The following NTRK3 variants were observed in gnomAD, a reference collection of about 807,000 sequenced individuals.
The protein encoded by NTRK3 is NT-3 growth factor receptor.
In NTRK3, 24 loss-of-function variants were observed where a neutral mutation model predicts 91.7. The ratio of observed to expected loss-of-function variants is 0.26; its 90% CI spans 0.19 to 0.37. The LOEUF (loss-of-function observed/expected upper bound fraction) is 0.37. NTRK3 is among the 10% of genes least tolerant of loss of function. The probability of loss-of-function intolerance (pLI) is 1.00; values close to 1 mark genes in which losing one functional copy is unlikely to be tolerated. For missense variants in NTRK3, 880 were observed against 1,068.9 expected (o/e 0.82, Z 2.46); for synonymous variants, 483 against 404.0 (o/e 1.20, Z -2.34).
intron 3 of NTRK3, among the ~76,000 whole-genome samples, chr15:88,236,690 G>A (rs1295249241): frequency 4.1e-5 from 6 of 147,162 alleles, no homozygotes; most frequent in East Asian, 2.0e-4. Context: ...TACATATTGG[G>A]TACAAATCTC....
At chr15:88,188,841 C>T (rs1271704211) in intron 3 of NTRK3, among the ~76,000 whole-genome samples, 1 of 152,236 alleles carries the variant, frequency 6.6e-6, no homozygotes, top group Non-Finnish European at 1.5e-5. Flanking sequence ...GGCTGGAACC[C>T]ACTGGCCAAG....
rs1265075771 is a variant in NTRK3 at position 87,886,699 on chromosome 15, T to TATATATATATATATATATAC, written c.2134-6272_2134-6271insGTATATATATATATATATAT. Reference sequence around the variant, plus strand: ...TGCTATATATATATATATATATATATACATATATACACACACACACATACA... The same window carrying TATATATATATATATATATAC: ...TGCTATATATATATATATATATATATATATATATATATATATATACACATATATACACACACACACATACA... On this transcript the variant is annotated intron_variant, in intron 17 of 18. Transcript: ENST00000394480. 8.9e-4 allele frequency among the ~76,000 whole-genome samples: 123 copies of TATATATATATATATATATAC among 138,446 alleles called. 1 individual carries two copies. Among genetic ancestry groups the TATATATATATATATATATAC allele is most frequent in the East Asian group, 6.7e-3 (32 of 4,782 alleles). 90.8% of individuals were successfully genotyped at this position (138,446 alleles called of 152,430 possible).
intron 13 of NTRK3, among the ~76,000 whole-genome samples, chr15:88,073,141 G>A (rs2047233614): frequency 6.6e-6 from 1 of 152,160 alleles, no homozygotes; most frequent in Non-Finnish European, 1.5e-5. Context: ...CTGGTTCTCA[G>A]ACCAGCAGCA....
intron 5 of NTRK3, among the ~76,000 whole-genome samples, chr15:88,168,730 C>T (rs1254851499): frequency 9.2e-6 from 1 of 108,866 alleles, no homozygotes; most frequent in East Asian, 2.3e-4. Flanking sequence ...CCCTTTTACT[C>T]CTGGGGGAAG....
chr15:87,885,134 A>T (rs2065466206), intron 17 of NTRK3, among the ~76,000 whole-genome samples: 1 of 151,958 alleles, frequency 6.6e-6, no homozygotes, highest in African/African-American at 2.4e-5. Context: ...TGACTTCAAA[A>T]TACAATGGAA....
At position 88,128,745 on chromosome 15, in the gene NTRK3, AG is replaced by A. The variant is rs1567477542; in HGVS notation, c.1205-12del. On this transcript the variant is annotated splice_polypyrimidine_tract_variant and intron_variant, in intron 10 of 18. Coordinates refer to ENST00000394480, the Ensembl canonical transcript of NTRK3. The stretch of plus-strand genomic sequence containing the variant: ...AGTTATCCGTGCTCTCTGCAAAAAA[AG>A]GACAAAGAGATAATTAACAAATTTA... 1.2e-6 allele frequency: 2 copies of A among 1,613,500 alleles called. No homozygotes were observed. Among genetic ancestry groups the A allele is most frequent in the Admixed American group, 3.3e-5 (2 of 60,024 alleles).
chr15:87,972,604 T>A (rs987790276), intron 14 of NTRK3, among the ~76,000 whole-genome samples: 2 of 152,126 alleles, frequency 1.3e-5, no homozygotes, highest in Non-Finnish European at 2.9e-5. Context: ...TCCCCACCCA[T>A]AGGTAAATCA....
chr15:88,145,534 TC>T (rs1272617499), intron 6 of NTRK3, among the ~76,000 whole-genome samples: 1 of 152,198 alleles, frequency 6.6e-6, no homozygotes, highest in African/African-American at 2.4e-5. Context: ...CCCATGATCC[TC>T]TGGGAGAAAT....
intron 3 of NTRK3, among the ~76,000 whole-genome samples, chr15:88,227,051 A>G (rs1052560030): frequency 2.6e-5 from 4 of 152,196 alleles, no homozygotes; most frequent in African/African-American, 9.7e-5. Flanking sequence ...TCCAAAACCC[A>G]GCATAAAGTG....
exon 10 of NTRK3, chr15:88,135,389 G>A (rs56386352): frequency 1.2e-4 from 199 of 1,613,626 alleles, no homozygotes; most frequent in Non-Finnish European, 1.5e-4. Context: ...CTCACCACAC[G>A]TGGGGGATCT....
At position 87,999,946 on chromosome 15, in the gene NTRK3, A is replaced by G. The variant is rs148106335; in HGVS notation, c.1585+32911T>C. Among the ~76,000 whole-genome samples the G allele has an allele frequency of 8.9e-4, 136 of 152,344 alleles. No individual in the cohort carries two copies. In the Middle Eastern group the frequency reaches 0.014, roughly 15 times the overall value. On this transcript the variant is annotated intron_variant, in intron 14 of 18. Transcript: ENST00000394480. Reference sequence around the variant, plus strand: ...GATTTAATCAGCTCCTGACCCACAGACTTAGGGATCTGAGAGTACAGGGCT... The same window carrying G: ...GATTTAATCAGCTCCTGACCCACAGGCTTAGGGATCTGAGAGTACAGGGCT...
At chr15:88,141,298 G>T (rs372470122) in intron 6 of NTRK3, among the ~76,000 whole-genome samples, 6 of 152,154 alleles carry the variant, frequency 3.9e-5, no homozygotes, top group Non-Finnish European at 8.8e-5. Flanking sequence ...TATTAGCATC[G>T]CACTTGCCGT....
chr15:88,163,163 C>T (rs1379485834), intron 5 of NTRK3, among the ~76,000 whole-genome samples: 2 of 152,126 alleles, frequency 1.3e-5, no homozygotes, highest in African/African-American at 4.8e-5. Flanking sequence ...ACAGAAATTC[C>T]CCCAACACAG....
At chr15:88,138,509 T>TA (rs901229822) in intron 6 of NTRK3, among the ~76,000 whole-genome samples, 1 of 152,176 alleles carries the variant, frequency 6.6e-6, no homozygotes, top group African/African-American at 2.4e-5. Context: ...GTCAAAGCCC[T>TA]AAATAATCTG....
At chr15:87,879,524 C>A (rs1596058765) in intron 18 of NTRK3, among the ~76,000 whole-genome samples, 1 of 152,132 alleles carries the variant, frequency 6.6e-6, no homozygotes, top group Non-Finnish European at 1.5e-5. Context: ...CCCTGGCCAG[C>A]CCATTTCAGT....
chr15:87,890,246 A>T (rs958578466), intron 17 of NTRK3, among the ~76,000 whole-genome samples: 1 of 152,122 alleles, frequency 6.6e-6, no homozygotes, highest in Non-Finnish European at 1.5e-5. Flanking sequence ...ATCTGATATT[A>T]TAAAGTTCCC....
intron 14 of NTRK3, among the ~76,000 whole-genome samples, chr15:87,994,875 G>A (rs969184126): frequency 5.3e-5 from 8 of 152,116 alleles, no homozygotes; most frequent in African/African-American, 1.9e-4. Flanking sequence ...TTAGATGTGG[G>A]CACTGGTATG....
chr15:88,121,063 G>T (rs2052649646), intron 13 of NTRK3, among the ~76,000 whole-genome samples: 1 of 151,870 alleles, frequency 6.6e-6, no homozygotes, highest in Non-Finnish European at 1.5e-5. Flanking sequence ...TTATGAGGTG[G>T]TCAAGAGGAA....
chr15:87,943,303 C>G (rs1412834582), intron 14 of NTRK3, among the ~76,000 whole-genome samples: 1 of 152,046 alleles, frequency 6.6e-6, no homozygotes, highest in Non-Finnish European at 1.5e-5. Flanking sequence ...AACAGTTTAG[C>G]CATGCCTCAC....
Sources: gnomAD v4.1 joint callset for allele counts (sites outside exome capture counted in the v4.1 genomes callset) on GRCh38, gnomAD v4.1.1 for gene constraint, MANE v1.5 for transcripts, NCBI Gene and HGNC (gene_info 2026-07-23, HGNC 2026-07-21) for gene names.